The following MYOCD variants were observed in gnomAD, a reference collection of about 807,000 sequenced individuals.
The protein encoded by MYOCD is myocardin.
MYOCD carries 32 observed loss-of-function variants against 96.1 expected under a neutral mutation model. The observed-to-expected ratio is 0.33, with a 90% CI of 0.25 to 0.45. The LOEUF is 0.45. MYOCD is among the 20% of genes least tolerant of loss of function. The probability of loss-of-function intolerance (pLI) is 1.00; values close to 1 mark genes in which losing one functional copy is unlikely to be tolerated. For missense variants in MYOCD, 1,133 were observed against 1,200.6 expected (o/e 0.94, Z 0.83); for synonymous variants, 469 against 469.0 (o/e 1.00, Z 0.00).
At chr17:12,754,865 A>G (rs1040962439) in intron 10 of MYOCD, among the ~76,000 whole-genome samples, 18 of 152,224 alleles carry the variant, frequency 1.2e-4, no homozygotes, top group African/African-American at 3.6e-4. Flanking sequence ...CAAGAAACCT[A>G]TGAGCTCCAA....
chr17:12,743,756 G>C (rs1036899215), intron 7 of MYOCD, among the ~76,000 whole-genome samples: 2 of 152,144 alleles, frequency 1.3e-5, no homozygotes, highest in Admixed American at 1.3e-4. Flanking sequence ...GCCTCCCAAA[G>C]TGTTGGCATT....
rs1366419672 is a variant in MYOCD, at chr17:12,705,169, C to T, written c.97C>T (p.Leu33=). The T allele has an allele frequency of 6.2e-7, 1 of 1,613,520 alleles. No homozygotes were observed. The highest frequency in any genetic ancestry group is 8.5e-7 in the Non-Finnish European group (1 of 1,179,484). ...RLQQRRTQEQ[L]ANQGIIPPLK... ...TCAACAAAGAAGGACCCAGGAACAA[C>T]TGGCTAACCAAGGCATAATACCACG... The change falls in exon 2 of 14, where the codon CTG becomes TTG. Residue 33 remains leucine, a synonymous_variant. Coordinates refer to ENST00000425538, the MANE Select transcript of MYOCD (RefSeq NM_001146312.3).
At chr17:12,731,110 G>A (rs1253396510) in intron 5 of MYOCD, among the ~76,000 whole-genome samples, 4 of 152,180 alleles carry the variant, frequency 2.6e-5, no homozygotes, top group African/African-American at 4.8e-5. Flanking sequence ...GCCCCGACGC[G>A]TCTGCAGGGA....
intron 4 of MYOCD, among the ~76,000 whole-genome samples, chr17:12,720,134 G>T (rs1282719748): frequency 1.3e-5 from 2 of 151,926 alleles, no homozygotes; most frequent in Admixed American, 1.3e-4. Context: ...CATGTACAGG[G>T]ATCATGGCCG....
intron 1 of MYOCD, among the ~76,000 whole-genome samples, chr17:12,688,738 C>T (rs1362685835): frequency 2.7e-5 from 4 of 150,090 alleles, no homozygotes; most frequent in Non-Finnish European, 4.4e-5. Context: ...CCTCTCTCTC[C>T]TTCCTTCCTT....
At chr17:12,741,785 T>C (rs1195665482) in intron 7 of MYOCD, among the ~76,000 whole-genome samples, 1 of 151,574 alleles carries the variant, frequency 6.6e-6, no homozygotes, top group African/African-American at 2.4e-5. Flanking sequence ...GCCCAGGAGA[T>C]GAACAGATCG....
intron 5 of MYOCD, among the ~76,000 whole-genome samples, chr17:12,725,108 C>T (rs192559289): frequency 3.1e-4 from 47 of 151,890 alleles, no homozygotes; most frequent in East Asian, 2.9e-3. Flanking sequence ...ATATGGGAAA[C>T]CTATTAATTG....
At chr17:12,736,051 T>C in intron 5 of MYOCD, 110 bp from the exon 6 acceptor site, 1 of 893,110 alleles carries the variant, frequency 1.1e-6, no homozygotes. Context: ...TAAAACAAAC[T>C]GGAGAGAGAG....
intron 9 of MYOCD, among the ~76,000 whole-genome samples, chr17:12,747,799 CTT>C (rs890644252): frequency 6.6e-6 from 1 of 151,482 alleles, no homozygotes; most frequent in Non-Finnish European, 1.5e-5. Flanking sequence ...AGAGAAAAGT[CTT>C]TGATTTCTTT....
At chr17:12,719,273 G>A (rs1294275720) in intron 4 of MYOCD, among the ~76,000 whole-genome samples, 1 of 150,008 alleles carries the variant, frequency 6.7e-6, no homozygotes, top group African/African-American at 2.5e-5. Context: ...AGAGTTACAT[G>A]CGTTCCCATA....
In MYOCD at chr17:12,678,890, G is replaced by T. The variant is rs537831879; in HGVS notation, c.55+12647G>T. Among the ~76,000 whole-genome samples the T allele has an allele frequency of 1.7e-3, 254 of 152,046 alleles. 2 individuals carry two copies. Among genetic ancestry groups the T allele is most frequent in the African/African-American group, 5.9e-3 (244 of 41,474 alleles). ...TTTTGTATTTTTTTAGTAGAGATGGGGTTTCAGTGTGTTAGCCGGGATGGT... is the reference window on the plus strand; with the variant it reads ...TTTTGTATTTTTTTAGTAGAGATGGTGTTTCAGTGTGTTAGCCGGGATGGT... On this transcript the variant is annotated intron_variant, in intron 1 of 13. Transcript: ENST00000425538.
chr17:12,756,364 C>A lies in MYOCD; in HGVS notation c.2059-50C>A, dbSNP rs958098793. 3 of 1,549,646 alleles carry A rather than the reference C, an allele frequency of 1.9e-6. No individual in the cohort carries two copies. The Admixed American group carries it at 5.9e-5, about 30-fold the overall frequency. On this transcript the variant is annotated intron_variant, in intron 10 of 13. Coordinates refer to ENST00000425538, the MANE Select transcript of MYOCD (RefSeq NM_001146312.3). ...ACCAGAATTGTCAGCAAAGGTCACA[C>A]TCAAGTAAGCTGCTGCTGGCCATGT... is the stretch of plus-strand genomic sequence containing the variant.
chr17:12,692,674 A>G (rs1255943775), intron 1 of MYOCD, among the ~76,000 whole-genome samples: 1 of 152,114 alleles, frequency 6.6e-6, no homozygotes, highest in East Asian at 1.9e-4. Flanking sequence ...AAATGTCACA[A>G]TGTCCTTCAA....
rs371712377 is a variant in MYOCD at position 12,763,084 on chromosome 17, G to C, written c.2401G>C (p.Asp801His). The change falls in exon 14 of 14, where the codon GAC becomes CAC. Residue 801 changes from aspartate to histidine, a missense_variant. Physicochemically the swap from Asp to His is moderately conservative, Grantham distance 81. Coordinates refer to ENST00000425538, the MANE Select transcript of MYOCD (RefSeq NM_001146312.3). ...VLIESGEMPA[D>H]AREDHSCLQK... ...TGTATTGCCCACAGAAATGCCAGCA[G>C]ACGCTAGAGAGGATCACTCATGTCT... 4.6e-5 allele frequency: 74 copies of C among 1,605,344 alleles called. No individual in the cohort carries two copies. Among genetic ancestry groups the C allele is most frequent in the Non-Finnish European group, 5.9e-5 (70 of 1,176,768 alleles).
At chr17:12,695,018 C>T (rs1311451710) in intron 1 of MYOCD, among the ~76,000 whole-genome samples, 1 of 151,720 alleles carries the variant, frequency 6.6e-6, no homozygotes, top group Non-Finnish European at 1.5e-5. Flanking sequence ...ATGAAGGAAC[C>T]CTTATAATGT....
chr17:12,742,433 C>G (rs904135478), intron 7 of MYOCD, among the ~76,000 whole-genome samples: 1 of 152,114 alleles, frequency 6.6e-6, no homozygotes, highest in African/African-American at 2.4e-5. Flanking sequence ...ATATGCTTGC[C>G]AGCTGTTCAG....
At chr17:12,714,323 G>GCACACACACA (rs4054959) in intron 2 of MYOCD, among the ~76,000 whole-genome samples, 13,799 of 135,938 alleles carry the variant, frequency 0.1, 734 homozygotes, top group Middle Eastern at 0.15. Flanking sequence ...TGAGGCACGT[G>GCACACACACA]CACACACACA....
chr17:12,754,198 G>A (rs12452177), intron 10 of MYOCD, among the ~76,000 whole-genome samples: 2,786 of 152,056 alleles, frequency 0.018, 121 homozygotes, highest in East Asian at 0.17. Context: ...TCTGCCTCCC[G>A]GGTTCAAGCG....
intron 7 of MYOCD, among the ~76,000 whole-genome samples, chr17:12,742,865 C>G (rs2032554250): frequency 6.6e-6 from 1 of 152,132 alleles, no homozygotes; most frequent in Non-Finnish European, 1.5e-5. Context: ...AGCCACCGCG[C>G]CCGGCCTGAA....
Sources: allele counts gnomAD v4.1 joint callset (sites outside exome capture counted in the v4.1 genomes callset), GRCh38; gene constraint gnomAD v4.1.1; transcripts MANE v1.5; gene names NCBI Gene and HGNC (gene_info 2026-07-23, HGNC 2026-07-21).